Variants in NOL11 observed in about 807,000 individuals in gnomAD.
NOL11 encodes the protein nucleolar protein 11.
A neutral mutation model predicts 93.0 loss-of-function variants in NOL11; 42 were observed. That is an observed-to-expected ratio of 0.45 (90% CI 0.35 to 0.58). The LOEUF is 0.58. Among genes scored for constraint, NOL11 ranks in the 20% least tolerant of loss-of-function variants. The pLI, the probability that NOL11 is intolerant of heterozygous loss-of-function variation, is 0.00. For missense variants in NOL11, 775 were observed against 841.8 expected (o/e 0.92, Z 0.98); for synonymous variants, 296 against 293.7 (o/e 1.01, Z -0.08).
intron 16 of NOL11, among the ~76,000 whole-genome samples, chr17:67,743,062 G>A (rs1024031965): frequency 2.6e-5 from 4 of 152,162 alleles, no homozygotes; most frequent in South Asian, 4.1e-4. Context: ...GCAATAAGGC[G>A]AAACCCCATC....
intron 8 of NOL11, among the ~76,000 whole-genome samples, chr17:67,735,353 G>A (rs572245605): frequency 6.6e-6 from 1 of 151,892 alleles, no homozygotes; most frequent in South Asian, 2.1e-4. Flanking sequence ...ATGTAAAAAA[G>A]TAATTTTAAC....
intron 7 of NOL11, among the ~76,000 whole-genome samples, chr17:67,733,340 G>C (rs999421273): frequency 1.3e-5 from 2 of 152,142 alleles, no homozygotes; most frequent in African/African-American, 4.8e-5. Context: ...ACTCCAGCCT[G>C]GGCGACAGAG....
At chr17:67,728,207 C>T (rs1312484894) in intron 7 of NOL11, among the ~76,000 whole-genome samples, 1 of 152,154 alleles carries the variant, frequency 6.6e-6, no homozygotes, top group African/African-American at 2.4e-5. Context: ...TTGCAGTGAG[C>T]TGAGATCACA....
At chr17:67,737,775 A>T in intron 12 of NOL11, 72 bp from the exon 13 acceptor site, 1 of 1,579,452 alleles carries the variant, frequency 6.3e-7, no homozygotes, top group Non-Finnish European at 8.6e-7. Flanking sequence ...GAAACTCTCA[A>T]AAGGCTTATA....
At chr17:67,719,570 T>A in intron 1 of NOL11, 104 bp from the exon 2 acceptor site, 3 of 646,850 alleles carry the variant, frequency 4.6e-6, no homozygotes. Flanking sequence ...GTAAATTTTT[T>A]AAATGCTGTC....
intron 8 of NOL11, 26 bp downstream of exon 8, chr17:67,734,465 C>G (rs760643651): frequency 5.1e-6 from 7 of 1,385,022 alleles, no homozygotes; most frequent in Non-Finnish European, 7.2e-6. Context: ...TGAGTACTTT[C>G]TCTGATTTAG....
chr17:67,736,934 A>G (rs1335335821), intron 10 of NOL11, 137 bp from the exon 11 acceptor site: 3 of 729,864 alleles, frequency 4.1e-6, no homozygotes, highest in Middle Eastern at 3.6e-4. Flanking sequence ...CATGTTGTCT[A>G]TTAGTTATAT....
At chr17:67,732,419 A>G (rs914554344) in intron 7 of NOL11, among the ~76,000 whole-genome samples, 5 of 148,168 alleles carry the variant, frequency 3.4e-5, no homozygotes, top group African/African-American at 5.0e-5. Flanking sequence ...TGAACCCGAG[A>G]GGTGGAGGTT....
In NOL11 at chr17:67,726,544, T is replaced by G. The variant is rs1268959016; in HGVS notation, c.749T>G (p.Leu250Arg). The change falls in exon 7 of 18, where the codon CTG becomes CGG. Residue 250 changes from leucine to arginine, a missense_variant. Physicochemically the swap from Leu to Arg is moderately radical, Grantham distance 102. This residue lies in a region of NOL11 where 359 missense variants were observed against 316.5 expected (regional missense o/e 1.13). Transcript: ENST00000253247. ...EKNQSLVKSL[L>R]LKAVVSGNAR... ...AATCAGAGCTTAGTTAAATCACTGC[T>G]GCTCAAGGCTGTTGTATCTGGTAAC... 6.2e-7 allele frequency: 1 copy of G among 1,614,078 alleles called. No individual in the cohort carries two copies. The highest frequency in any genetic ancestry group is 1.3e-5 in the African/African-American group (1 of 74,944).
chr17:67,721,123 T>G (rs981699384), intron 3 of NOL11, among the ~76,000 whole-genome samples: 2 of 152,170 alleles, frequency 1.3e-5, no homozygotes, highest in African/African-American at 4.8e-5. Context: ...TAACCTCTAG[T>G]AGTCACAACG....
chr17:67,719,875 A>G (rs779476054), intron 2 of NOL11, 31 bp from the exon 3 acceptor site: 1 of 1,536,512 alleles, frequency 6.5e-7, no homozygotes, highest in East Asian at 2.3e-5. Flanking sequence ...GGAGAATAGG[A>G]TAGTTTTTAA....
intron 16 of NOL11, among the ~76,000 whole-genome samples, chr17:67,741,359 C>G (rs1004091591): frequency 6.6e-6 from 1 of 152,064 alleles, no homozygotes; most frequent in Non-Finnish European, 1.5e-5. Flanking sequence ...TGTAAGCTAC[C>G]GTGCCCGGGC....
intron 3 of NOL11, 22 bp downstream of exon 3, chr17:67,719,984 CAT>C: frequency 1.3e-6 from 2 of 1,534,744 alleles, no homozygotes; most frequent in Non-Finnish European, 1.8e-6. Context: ...AATTTTCCAA[CAT>C]ATTTGTTTAG....
intron 1 of NOL11, among the ~76,000 whole-genome samples, chr17:67,718,948 G>C (rs1299588535): frequency 6.6e-6 from 1 of 152,198 alleles, no homozygotes; most frequent in African/African-American, 2.4e-5. Context: ...CATGATCCCA[G>C]ATGTCCCTAC....
At chr17:67,737,742 G>GT (rs764263521) in intron 12 of NOL11, 50 bp downstream of exon 12, 1 of 1,583,170 alleles carries the variant, frequency 6.3e-7, no homozygotes, top group East Asian at 2.2e-5. Context: ...TTCTGACCTT[G>GT]TTTTTTATAG....
rs1007567560 is a variant in NOL11 at position 67,738,845 on chromosome 17, G to A, written c.1764-87G>A. The A allele has an allele frequency of 8.5e-6, 7 of 821,054 alleles. No individual in the cohort carries two copies. In the African/African-American group the frequency reaches 1.0e-4, roughly 12 times the overall value. 50.9% of individuals were successfully genotyped at this position (821,054 alleles called of 1,614,324 possible). On this transcript the variant is annotated intron_variant, in intron 14 of 17. Transcript: ENST00000253247. ...GATGTAAAACTTTTGTATAAATTTA[G>A]AAAACTAACATTGACAAAGGAAGTT...
Position 67,731,302 on chromosome 17 carries a change from C to T in NOL11, c.854-3061C>T, listed in dbSNP as rs1332993070. On this transcript the variant is annotated intron_variant, in intron 7 of 17. Transcript: ENST00000253247. ...TTTTTGAGACGGAGTCTCGTTCTGT[C>T]GCCCAGGCGGGACTGCTGTGGCGCG... Among the ~76,000 whole-genome samples the T allele has an allele frequency of 8.1e-4, 2 of 2,468 alleles. 1 individual carries two copies. Among genetic ancestry groups the T allele is most frequent in the South Asian group, 0.036 (2 of 56 alleles). The allele number at this position is 2,468 out of a possible 152,430, so 1.6% of individuals were successfully genotyped here.
intron 7 of NOL11, among the ~76,000 whole-genome samples, chr17:67,729,368 C>T (rs2055129505): frequency 6.6e-6 from 1 of 152,048 alleles, no homozygotes; most frequent in African/African-American, 2.4e-5. Context: ...ATCCACCCAC[C>T]TTGGCCTCCC....
intron 1 of NOL11, 58 bp from the exon 2 acceptor site, chr17:67,719,616 T>C (rs2043202218): frequency 1.1e-6 from 1 of 887,804 alleles, no homozygotes; most frequent in East Asian, 2.6e-5. Flanking sequence ...ATAAACTTAA[T>C]TGCTTTTAAT....
Sources: gnomAD v4.1 joint callset for allele counts (sites outside exome capture counted in the v4.1 genomes callset) on GRCh38, gnomAD v4.1.1 for gene constraint, gnomAD v4.1.1 regional missense constraint, MANE v1.5 for transcripts, NCBI Gene and HGNC (gene_info 2026-07-23, HGNC 2026-07-21) for gene names.